The following TCF4 variants were observed in gnomAD, a reference collection of about 807,000 sequenced individuals.
The protein encoded by TCF4 is SL3-3 enhancer factor 2.
A neutral mutation model predicts 82.1 loss-of-function variants in TCF4; 3 were observed. That is an observed-to-expected ratio of 0.04 (90% CI 0.02 to 0.09). The LOEUF (loss-of-function observed/expected upper bound fraction) is 0.09, where lower values mean the gene tolerates loss of function less well. Ranked by LOEUF, TCF4 falls within the 10% of genes least tolerant of loss-of-function variation. TCF4 has a pLI of 1.00. For missense variants in TCF4, 518 were observed against 852.7 expected, an observed-to-expected ratio of 0.61 and a Z score of 4.89; for synonymous variants, 276 against 309.6, an observed-to-expected ratio of 0.89 and a Z score of 1.14.
chr18:55,430,357 C>G (rs531421953), intron 5 of TCF4, among the ~76,000 whole-genome samples: 1 of 152,188 alleles, frequency 6.6e-6, no homozygotes, highest in African/African-American at 2.4e-5. Flanking sequence ...TAGCTCTCAT[C>G]CAGAGGCCAC....
chr18:55,292,632 G>C (rs1187089545), intron 8 of TCF4, among the ~76,000 whole-genome samples: 1 of 151,866 alleles, frequency 6.6e-6, no homozygotes, highest in Non-Finnish European at 1.5e-5. Flanking sequence ...ATAGTTCTTT[G>C]TTTACATAAT....
At chr18:55,464,904 A>C (rs1350726765) in intron 3 of TCF4, among the ~76,000 whole-genome samples, 3 of 152,230 alleles carry the variant, frequency 2.0e-5, no homozygotes, top group Admixed American at 6.5e-5. Flanking sequence ...GCAAAGTTTT[A>C]ATGCTGAGTA....
intron 5 of TCF4, among the ~76,000 whole-genome samples, chr18:55,411,041 A>G (rs1010656317): frequency 6.6e-5 from 10 of 152,202 alleles, no homozygotes; most frequent in Admixed American, 6.5e-4. Flanking sequence ...TTCCGAACGC[A>G]GGAAAATCTT....
chr18:55,321,257 C>G, intron 8 of TCF4: 1 of 211,102 alleles, frequency 4.7e-6, no homozygotes, highest in South Asian at 7.7e-5. Context: ...AAACTTACCC[C>G]AAATTTCCTC....
intron 8 of TCF4, among the ~76,000 whole-genome samples, chr18:55,343,201 T>C (rs2080393993): frequency 1.3e-5 from 2 of 152,170 alleles, no homozygotes; most frequent in African/African-American, 4.8e-5. Context: ...CTTTCTAATA[T>C]GGCTCCATGT....
intron 2 of TCF4, chr18:55,585,959 T>C (rs975736648): frequency 3.9e-6 from 5 of 1,294,698 alleles, no homozygotes; most frequent in Non-Finnish European, 5.0e-6. Flanking sequence ...ACGTATCTAG[T>C]GGATAATGCA....
At chr18:55,632,095 G>A (rs2097732122) in intron 1 of TCF4, among the ~76,000 whole-genome samples, 1 of 152,186 alleles carries the variant, frequency 6.6e-6, no homozygotes, top group South Asian at 2.1e-4. Flanking sequence ...CTGGAGTGCA[G>A]TGGCACGATC....
chr18:55,267,214 T>C (rs931590960), intron 11 of TCF4: 3 of 152,186 alleles, frequency 2.0e-5, no homozygotes, highest in Non-Finnish European at 4.4e-5. Context: ...ATGTGTTCCC[T>C]ATTTGCCAAT....
chr18:55,510,926 A>T (rs183164506), intron 3 of TCF4, among the ~76,000 whole-genome samples: 2 of 152,330 alleles, frequency 1.3e-5, no homozygotes, highest in Admixed American at 6.5e-5. Context: ...TGCCAAACAG[A>T]GGTCTCAGGA....
intron 8 of TCF4, among the ~76,000 whole-genome samples, chr18:55,282,496 CA>C (rs532103200): frequency 1.9e-4 from 29 of 152,144 alleles, no homozygotes; most frequent in African/African-American, 6.0e-4. Flanking sequence ...GCCAATTTCT[CA>C]ATCAAGCTTT....
At chr18:55,267,653 T>A (rs2059491626) in intron 11 of TCF4, 1 of 152,318 alleles carries the variant, frequency 6.6e-6, no homozygotes, top group South Asian at 2.1e-4. Flanking sequence ...TGCATAATAA[T>A]AAAGGTTTGC....
intron 3 of TCF4, among the ~76,000 whole-genome samples, chr18:55,565,590 G>A (rs1429711846): frequency 1.3e-5 from 2 of 152,094 alleles, no homozygotes; most frequent in Admixed American, 1.3e-4. Flanking sequence ...GAATTCATAA[G>A]CATCTCACAA....
intron 6 of TCF4, among the ~76,000 whole-genome samples, chr18:55,367,693 T>C (rs1017819257): frequency 2.6e-5 from 4 of 152,224 alleles, no homozygotes; most frequent in Admixed American, 2.0e-4. Context: ...ATTAGAAGAG[T>C]AGGATTTAAA....
intron 8 of TCF4, among the ~76,000 whole-genome samples, chr18:55,344,184 C>T (rs146395335): frequency 3.9e-5 from 6 of 152,004 alleles, no homozygotes; most frequent in Admixed American, 3.9e-4. Context: ...TATTCAAAAC[C>T]AAGAAAACAT....
intron 15 of TCF4, among the ~76,000 whole-genome samples, chr18:55,242,905 G>A (rs1039236503): frequency 6.6e-6 from 1 of 152,132 alleles, no homozygotes; most frequent in Admixed American, 6.6e-5. Context: ...ACCGCGCCTA[G>A]CCCAGGCACT....
At chr18:55,350,200 G>A (rs1038377229) in intron 8 of TCF4, among the ~76,000 whole-genome samples, 159 bp downstream of exon 8, 8 of 152,168 alleles carry the variant, frequency 5.3e-5, no homozygotes, top group Non-Finnish European at 8.8e-5. Context: ...TCCAATGTGG[G>A]TCAGGTGGCT....
chr18:55,334,132 A>T (rs1336420645), intron 8 of TCF4, among the ~76,000 whole-genome samples: 1 of 152,218 alleles, frequency 6.6e-6, no homozygotes, highest in East Asian at 1.9e-4. Flanking sequence ...TCCATAAATG[A>T]AATGGAATGT....
intron 8 of TCF4, among the ~76,000 whole-genome samples, chr18:55,290,440 T>C (rs1260499407): frequency 6.6e-6 from 1 of 152,166 alleles, no homozygotes; most frequent in Non-Finnish European, 1.5e-5. Flanking sequence ...TCACAGTTTG[T>C]CAGCAGTAAT....
chr18:55,230,982 C>T (rs551161942), intron 17 of TCF4: 14 of 152,356 alleles, frequency 9.2e-5, no homozygotes, highest in Middle Eastern at 3.4e-3. Context: ...CTCTCCATAG[C>T]GTAAGCGCCT....
Sources: gnomAD v4.1 joint callset for allele counts (sites outside exome capture counted in the v4.1 genomes callset) on GRCh38, gnomAD v4.1.1 for gene constraint, MANE v1.5 for transcripts, NCBI Gene and HGNC (gene_info 2026-07-23, HGNC 2026-07-21) for gene names.